FBXL17: variants seen among roughly 807,000 people sequenced by gnomAD.
The protein encoded by FBXL17 is F-box and leucine rich repeat protein 17.
A neutral mutation model predicts 66.2 loss-of-function variants in FBXL17; 22 were observed. The ratio of observed to expected loss-of-function variants is 0.33; its 90% CI spans 0.24 to 0.47. The LOEUF is 0.47. Ranked by LOEUF, FBXL17 falls within the 20% of genes least tolerant of loss-of-function variation. FBXL17 has a pLI of 1.00. For synonymous variants in FBXL17, 474 were observed against 400.5 expected (o/e 1.18, Z -2.19); for missense variants, 878 against 948.2 (o/e 0.93, Z 0.97).
At chr5:108,024,954 G>C (rs965578014) in intron 6 of FBXL17, among the ~76,000 whole-genome samples, 1 of 152,102 alleles carries the variant, frequency 6.6e-6, no homozygotes, top group Admixed American at 6.6e-5. Flanking sequence ...AAAGGTTAAT[G>C]AATTAAGCTG....
intron 6 of FBXL17, among the ~76,000 whole-genome samples, chr5:108,108,056 T>A (rs1360097892): frequency 1.3e-5 from 2 of 152,110 alleles, no homozygotes. Context: ...CACTAGTGTG[T>A]TTCTGCTTCA....
chr5:108,084,021 T>C (rs919261815), intron 6 of FBXL17, among the ~76,000 whole-genome samples: 3 of 152,230 alleles, frequency 2.0e-5, no homozygotes, highest in Non-Finnish European at 4.4e-5. Flanking sequence ...AAGCTCAGTG[T>C]GTTTAATCGT....
intron 6 of FBXL17, among the ~76,000 whole-genome samples, chr5:108,154,130 A>C (rs1297494313): frequency 6.6e-6 from 1 of 152,062 alleles, no homozygotes; most frequent in Non-Finnish European, 1.5e-5. Flanking sequence ...ACCTTCCATC[A>C]AACAGCAAAC....
At chr5:108,173,497 T>A (rs74687489) in intron 6 of FBXL17, among the ~76,000 whole-genome samples, 2 of 152,230 alleles carry the variant, frequency 1.3e-5, no homozygotes, top group Non-Finnish European at 2.9e-5. Flanking sequence ...TACTGAATTA[T>A]GAAGAGATCA....
intron 4 of FBXL17, among the ~76,000 whole-genome samples, chr5:108,237,207 AT>A (rs1467565240): frequency 1.3e-5 from 2 of 152,198 alleles, no homozygotes; most frequent in African/African-American, 4.8e-5. Flanking sequence ...AGACTCCTAA[AT>A]CCCTTTAATT....
intron 6 of FBXL17, among the ~76,000 whole-genome samples, chr5:108,058,077 C>CACCTG (rs1312416151): frequency 6.6e-6 from 1 of 152,078 alleles, no homozygotes; most frequent in East Asian, 1.9e-4. Flanking sequence ...ATTCTAGGAC[C>CACCTG]ACCTGCTAGA....
intron 7 of FBXL17, among the ~76,000 whole-genome samples, chr5:107,929,242 G>C (rs1750645396): frequency 6.6e-6 from 1 of 152,136 alleles, no homozygotes; most frequent in Non-Finnish European, 1.5e-5. Context: ...GGGTGGGATG[G>C]AGGATATGGA....
rs149604998 is a variant in FBXL17 at position 108,379,230 on chromosome 5, T to A, written c.993+1469A>T. On this transcript the variant is annotated intron_variant, in intron 1 of 8. Transcript: ENST00000542267. Reference sequence around the variant, plus strand: ...AAGTAGAAGGTACCTGGCTTTGTTTTGGTTCATTTTGAAACAGTCTTATTT... The same window carrying A: ...AAGTAGAAGGTACCTGGCTTTGTTTAGGTTCATTTTGAAACAGTCTTATTT... 6.8e-3 allele frequency among the ~76,000 whole-genome samples: 1,029 copies of A among 152,332 alleles called. 10 individuals carry two copies. Among genetic ancestry groups the A allele is most frequent in the African/African-American group, 0.024 (985 of 41,566 alleles).
At chr5:108,159,946 C>CT (rs1385778981) in intron 6 of FBXL17, among the ~76,000 whole-genome samples, 1 of 152,078 alleles carries the variant, frequency 6.6e-6, no homozygotes, top group East Asian at 1.9e-4. Flanking sequence ...AATTTATACA[C>CT]TTTCTCTATA....
At chr5:108,274,694 T>C (rs138130872) in intron 4 of FBXL17, among the ~76,000 whole-genome samples, 1,793 of 152,242 alleles carry the variant, frequency 0.012, 34 homozygotes, top group African/African-American at 0.039. Flanking sequence ...TGTTTAGAGA[T>C]TGTAGTAAAG....
At chr5:107,982,053 C>A (rs1459637951) in intron 7 of FBXL17, among the ~76,000 whole-genome samples, 3 of 152,084 alleles carry the variant, frequency 2.0e-5, no homozygotes, top group Non-Finnish European at 2.9e-5. Flanking sequence ...AGGGACCTAA[C>A]TATGAATATA....
chr5:108,347,384 G>T, intron 4 of FBXL17, among the ~76,000 whole-genome samples: 1 of 152,094 alleles, frequency 6.6e-6, no homozygotes, highest in African/African-American at 2.4e-5. Flanking sequence ...ATGACTGTAT[G>T]TACGCTATTT....
intron 6 of FBXL17, among the ~76,000 whole-genome samples, chr5:108,113,825 A>G (rs533171734): frequency 4.6e-5 from 7 of 152,148 alleles, no homozygotes; most frequent in Non-Finnish European, 8.8e-5. Flanking sequence ...CATAATCCCT[A>G]AACACTACAC....
intron 4 of FBXL17, among the ~76,000 whole-genome samples, chr5:108,290,810 G>A (rs529308834): frequency 1.3e-5 from 2 of 152,208 alleles, no homozygotes; most frequent in African/African-American, 2.4e-5. Flanking sequence ...TGCAAATAAT[G>A]TTTGAATTAC....
At chr5:108,152,086 A>G (rs1441441629) in intron 6 of FBXL17, among the ~76,000 whole-genome samples, 1 of 152,200 alleles carries the variant, frequency 6.6e-6, no homozygotes, top group African/African-American at 2.4e-5. Context: ...TTAGACATAA[A>G]AACATTAAGT....
At chr5:108,190,808 T>A (rs1561455806) in intron 5 of FBXL17, among the ~76,000 whole-genome samples, 1 of 152,168 alleles carries the variant, frequency 6.6e-6, no homozygotes, top group East Asian at 1.9e-4. Context: ...TAAACCACAT[T>A]GTCTTTACAG....
chr5:108,272,091 C>T (rs1757296704), intron 4 of FBXL17, among the ~76,000 whole-genome samples: 1 of 152,040 alleles, frequency 6.6e-6, no homozygotes, highest in Admixed American at 6.6e-5. Context: ...GAGATCGAGA[C>T]CATCCTGGCT....
chr5:108,209,203 G>A (rs952581632), intron 5 of FBXL17, among the ~76,000 whole-genome samples: 1 of 152,184 alleles, frequency 6.6e-6, no homozygotes, highest in African/African-American at 2.4e-5. Context: ...AGCTTAAGGA[G>A]ATTTTGGGCT....
At chr5:108,116,338 A>T (rs528183192) in intron 6 of FBXL17, among the ~76,000 whole-genome samples, 7 of 152,082 alleles carry the variant, frequency 4.6e-5, no homozygotes, top group African/African-American at 1.7e-4. Context: ...CAAATCGGGC[A>T]ATTAAAAATA....
Sources: allele counts gnomAD v4.1 joint callset (sites outside exome capture counted in the v4.1 genomes callset), GRCh38; gene constraint gnomAD v4.1.1; transcripts MANE v1.5; gene names NCBI Gene and HGNC (gene_info 2026-07-23, HGNC 2026-07-21).